The following VEPH1 variants were observed in gnomAD, a reference collection of about 807,000 sequenced individuals.
VEPH1 encodes the protein ventricular zone-expressed PH domain-containing protein homolog 1.
VEPH1 carries 80 observed loss-of-function variants against 85.2 expected under a neutral mutation model. That is an observed-to-expected ratio of 0.94 (90% confidence interval 0.78 to 1.13). The LOEUF (loss-of-function observed/expected upper bound fraction) is 1.13. Among genes scored for constraint, VEPH1 ranks in the 50% most tolerant of loss-of-function variants. VEPH1 has a pLI of 0.00. For synonymous variants in VEPH1, 297 were observed against 348.0 expected (o/e 0.85, Z 1.63); for missense variants, 955 against 980.5 (o/e 0.97, Z 0.35).
At chr3:157,466,227 T>G (rs1736363005) in intron 3 of VEPH1, among the ~76,000 whole-genome samples, 1 of 152,006 alleles carries the variant, frequency 6.6e-6, no homozygotes, top group South Asian at 2.1e-4. Flanking sequence ...GGGGTGGGGA[T>G]GGCCAACTCC....
At chr3:157,455,072 TG>T (rs1300259833) in intron 4 of VEPH1, among the ~76,000 whole-genome samples, 1 of 152,192 alleles carries the variant, frequency 6.6e-6, no homozygotes, top group African/African-American at 2.4e-5. Flanking sequence ...TGTGTCTTTT[TG>T]GTAGAAGGAT....
At chr3:157,282,495 C>T (rs908618653) in intron 12 of VEPH1, among the ~76,000 whole-genome samples, 3 of 152,312 alleles carry the variant, frequency 2.0e-5, no homozygotes, top group Middle Eastern at 3.4e-3. Context: ...TACTGATGAT[C>T]ACATTCAAAT....
intron 13 of VEPH1, 92 bp from the exon 14 acceptor site, chr3:157,261,462 C>A (rs1452928252): frequency 4.6e-6 from 7 of 1,534,336 alleles, no homozygotes; most frequent in Non-Finnish European, 6.1e-6. Flanking sequence ...GGGCCAGAAT[C>A]CTTTCACTTT....
chr3:157,497,222 G>A (rs891537045), intron 1 of VEPH1, among the ~76,000 whole-genome samples: 29 of 152,098 alleles, frequency 1.9e-4, no homozygotes, highest in Non-Finnish European at 2.5e-4. Context: ...GTGTGAGCAG[G>A]GTTATCAAGC....
At chr3:157,391,935 C>A (rs1287004272) in intron 6 of VEPH1, among the ~76,000 whole-genome samples, 2 of 82,792 alleles carry the variant, frequency 2.4e-5, no homozygotes, top group African/African-American at 1.1e-4. Flanking sequence ...TTTTAGCACT[C>A]TTAAAGAAAA....
intron 2 of VEPH1, among the ~76,000 whole-genome samples, chr3:157,478,095 T>C (rs1226891810): frequency 5.3e-5 from 8 of 152,176 alleles, no homozygotes; most frequent in African/African-American, 1.9e-4. Context: ...AGTCTGCCTA[T>C]AGAAATTTTC....
chr3:157,459,588 A>T, intron 4 of VEPH1: 1 of 1,176,134 alleles, frequency 8.5e-7, no homozygotes, highest in Non-Finnish European at 1.1e-6. Context: ...GATTGATCTG[A>T]AACCAAAGAA....
At chr3:157,474,616 C>T (rs1481741126) in intron 2 of VEPH1, among the ~76,000 whole-genome samples, 2 of 152,056 alleles carry the variant, frequency 1.3e-5, no homozygotes, top group African/African-American at 4.8e-5. Context: ...GGGTCCAAAC[C>T]ATTTTATCAT....
chr3:157,272,440 C>CTTTCTTTCA (rs1491059636), intron 12 of VEPH1, among the ~76,000 whole-genome samples: 1 of 49,908 alleles, frequency 2.0e-5, no homozygotes. Flanking sequence ...TCTTTCTTTC[C>CTTTCTTTCA]TTCTCTCTCT....
At chr3:157,374,382 A>C (rs1727856958) in intron 7 of VEPH1, among the ~76,000 whole-genome samples, 1 of 152,216 alleles carries the variant, frequency 6.6e-6, no homozygotes, top group Non-Finnish European at 1.5e-5. Context: ...GCTGACCAGA[A>C]TGTCCCATGT....
chr3:157,357,108 TCTC>T (rs1476328122), intron 9 of VEPH1, among the ~76,000 whole-genome samples: 1 of 152,168 alleles, frequency 6.6e-6, no homozygotes, highest in African/African-American at 2.4e-5. Context: ...ACCACCCACA[TCTC>T]CTCATTTTTC....
chr3:157,472,408 T>C (rs1257270901), intron 2 of VEPH1, among the ~76,000 whole-genome samples: 1 of 152,226 alleles, frequency 6.6e-6, no homozygotes, highest in Non-Finnish European at 1.5e-5. Context: ...TTCCTAGTAA[T>C]TGTTTTAAAT....
chr3:157,330,955 G>A (rs1363174664), intron 9 of VEPH1, among the ~76,000 whole-genome samples: 1 of 152,172 alleles, frequency 6.6e-6, no homozygotes, highest in Non-Finnish European at 1.5e-5. Flanking sequence ...TCCTTTTGTT[G>A]GAATAGAAGC....
chr3:157,417,555 T>C (rs766664116), intron 5 of VEPH1, among the ~76,000 whole-genome samples: 2 of 152,166 alleles, frequency 1.3e-5, no homozygotes, highest in Non-Finnish European at 2.9e-5. Flanking sequence ...TGGCCAAAAT[T>C]CCAATGCTGT....
chr3:157,440,619 T>TATATGTATGTATACATACATACATATCC (rs972419654), intron 4 of VEPH1, among the ~76,000 whole-genome samples: 5 of 152,062 alleles, frequency 3.3e-5, no homozygotes, highest in African/African-American at 1.2e-4. Context: ...TTTATATACA[T>TATATGTATGTATACATACATACATATCC]ATATGTATGT....
intron 6 of VEPH1, among the ~76,000 whole-genome samples, chr3:157,391,915 TG>T (rs1389029682): frequency 1.4e-5 from 2 of 140,330 alleles, no homozygotes; most frequent in Non-Finnish European, 3.1e-5. Flanking sequence ...AAGGAGAGAT[TG>T]GGGGCCTATT....
At chr3:157,367,488 T>C (rs1726838883) in intron 7 of VEPH1, among the ~76,000 whole-genome samples, 1 of 152,232 alleles carries the variant, frequency 6.6e-6, no homozygotes, top group Non-Finnish European at 1.5e-5. Flanking sequence ...CATTAGTTCA[T>C]GTATAGTCAT....
intron 4 of VEPH1, 142 bp from the exon 5 acceptor site, chr3:157,428,630 G>C (rs1272135082): frequency 5.6e-6 from 4 of 712,770 alleles, no homozygotes; most frequent in Non-Finnish European, 9.0e-6. Context: ...AAAATAACAT[G>C]GTACCTTATT....
chr3:157,437,414 G>C (rs1434247358), intron 4 of VEPH1: 5 of 1,410,652 alleles, frequency 3.5e-6, no homozygotes, highest in Non-Finnish European at 3.9e-6. Flanking sequence ...TGCCAGGAAC[G>C]GGCTGCAACT....
Sources: allele counts gnomAD v4.1 joint callset (sites outside exome capture counted in the v4.1 genomes callset), GRCh38; gene constraint gnomAD v4.1.1; transcripts MANE v1.5; gene names NCBI Gene and HGNC (gene_info 2026-07-23, HGNC 2026-07-21).